WASHC4: variants seen among roughly 807,000 people sequenced by gnomAD.
WASHC4 encodes the protein WASH complex subunit 4.
Under a neutral mutation model 166.6 loss-of-function variants are expected in WASHC4, and 86 were observed. The ratio of observed to expected loss-of-function variants is 0.52; its 90% CI spans 0.43 to 0.62. The LOEUF is 0.62. WASHC4 is among the 20% of genes least tolerant of loss of function. The pLI, the probability that WASHC4 is intolerant of heterozygous loss-of-function variation, is 0.00. For synonymous variants in WASHC4, 446 were observed against 451.6 expected, an observed-to-expected ratio of 0.99 and a Z score of 0.16; for missense variants, 1,262 against 1,382.4, an observed-to-expected ratio of 0.91 and a Z score of 1.38.
At chr12:105,157,930 G>C (rs2440709) in intron 28 of WASHC4, among the ~76,000 whole-genome samples, 152,324 of 152,324 alleles carry the variant, frequency 1, 76,162 homozygotes, top group Non-Finnish European at 1. Flanking sequence ...TGCAGAATTG[G>C]TAAGAATATG....
chr12:105,111,663 A>G (rs1879688246), intron 2 of WASHC4, among the ~76,000 whole-genome samples: 1 of 152,248 alleles, frequency 6.6e-6, no homozygotes, highest in Admixed American at 6.5e-5. Context: ...CAATTAAGAT[A>G]GAGAATATTT....
chr12:105,161,379 G>T (rs1197969733), intron 29 of WASHC4, among the ~76,000 whole-genome samples: 1 of 152,102 alleles, frequency 6.6e-6, no homozygotes, highest in Non-Finnish European at 1.5e-5. Context: ...TTCATCTTAA[G>T]ATAGTGTCAA....
rs1309743901 is a variant in WASHC4 at position 105,126,280 on chromosome 12, G to A, written c.956G>A (p.Cys319Tyr). Reference sequence around the variant, plus strand: ...CAGAGAGACAAGTATGTTGGAATTTGTGGACTCTTTGTATTGCACTTTCAG... The same window carrying A: ...CAGAGAGACAAGTATGTTGGAATTTATGGACTCTTTGTATTGCACTTTCAG... ...IDQRDKYVGI[C>Y]GLFVLHFQIF... The change falls in exon 12 of 33, where the codon TGT becomes TAT. Residue 319 changes from cysteine to tyrosine, a missense_variant. Coordinates refer to ENST00000332180, the MANE Select transcript of WASHC4 (RefSeq NM_015275.3). 1 of 1,611,452 alleles carries A rather than the reference G, an allele frequency of 6.2e-7. No homozygotes were observed. The highest frequency in any genetic ancestry group is 8.5e-7 in the Non-Finnish European group (1 of 1,178,064).
Position 105,126,096 on chromosome 12 carries a change from G to A in WASHC4, c.879G>A (p.Arg293=). Residue 293 remains arginine (R), a synonymous_variant, in exon 11 of 33, where the codon CGG becomes CGA. Coordinates refer to ENST00000332180, the MANE Select transcript of WASHC4 (RefSeq NM_015275.3). ...CTGAGGAATTTGCACATAGTATTCG[G>A]TCAATTTTTGCAAATGTAGAAGCCA... ...TFAEEFAHSI[R]SIFANVEAKL... The A allele has an allele frequency of 6.2e-7, 1 of 1,612,968 alleles. No homozygotes were observed. The highest frequency in any genetic ancestry group is 1.1e-5 in the South Asian group (1 of 91,036).
intron 18 of WASHC4, among the ~76,000 whole-genome samples, chr12:105,142,186 G>T (rs1442275163): frequency 1.3e-5 from 2 of 151,978 alleles, no homozygotes; most frequent in African/African-American, 2.4e-5. Flanking sequence ...TCTGATATTT[G>T]AATATTATGC....
At chr12:105,144,007 C>CTCATGCCCTTTCCTCCCTTGCA (rs1883086416) in intron 20 of WASHC4, among the ~76,000 whole-genome samples, 1 of 151,692 alleles carries the variant, frequency 6.6e-6, no homozygotes, top group Admixed American at 6.6e-5. Flanking sequence ...TCTCTCTTGC[C>CTCATGCCCTTTCCTCCCTTGCA]TGTTCTCATG....
At position 105,164,694 on chromosome 12, in the gene WASHC4, A is replaced by AG; in HGVS notation, c.3409dup (p.Asp1137GlyfsTer6). The AG allele has an allele frequency of 1.2e-6, 2 of 1,613,720 alleles. No homozygotes were observed. Among genetic ancestry groups the AG allele is most frequent in the Non-Finnish European group, 1.7e-6 (2 of 1,179,770 alleles). On this transcript the variant is annotated frameshift_variant, in exon 32 of 33. Transcript: ENST00000332180. LOFTEE classifies it high-confidence loss of function. ...GCAGTGCAAGAATTTTCTTCAGAGC[A>AG]GACAAGACTGCGGCTGAAGAAAACC...
intron 2 of WASHC4, 149 bp from the exon 3 acceptor site, chr12:105,114,067 G>T: frequency 5.2e-5 from 32 of 618,180 alleles, no homozygotes; most frequent in Non-Finnish European, 5.7e-5. Flanking sequence ...TAATGAGATT[G>T]TTTTGGATGA....
rs1479708227 is a variant in WASHC4 at position 105,156,710 on chromosome 12, T to G, written c.2759-16T>G. The G allele has an allele frequency of 1.3e-6, 2 of 1,590,738 alleles. No homozygotes were observed. The highest frequency in any genetic ancestry group is 4.5e-5 in the East Asian group (2 of 44,572). ...TTATTTATATAAATATCTGATTTTT[T>G]TGTGTGGTTTTTAAGGTAATGCTAT... is the stretch of plus-strand genomic sequence containing the variant. On this transcript the variant is annotated splice_polypyrimidine_tract_variant and intron_variant, in intron 26 of 32. Transcript: ENST00000332180.
At chr12:105,125,676 C>G (rs1227313631) in intron 10 of WASHC4, among the ~76,000 whole-genome samples, 1 of 152,080 alleles carries the variant, frequency 6.6e-6, no homozygotes, top group Non-Finnish European at 1.5e-5. Context: ...ATAAATTCTA[C>G]TCTTAAAAGT....
chr12:105,156,920 A>G (rs948125241), intron 27 of WASHC4, 128 bp downstream of exon 27: 2 of 771,832 alleles, frequency 2.6e-6, no homozygotes, highest in Non-Finnish European at 4.5e-6. Context: ...AAAATATGGA[A>G]GAAAACTATT....
chr12:105,165,267 A>G (rs1272246584), intron 32 of WASHC4, among the ~76,000 whole-genome samples: 1 of 152,252 alleles, frequency 6.6e-6, no homozygotes. Context: ...AACTTCAGTC[A>G]TTAAGGAAAG....
intron 25 of WASHC4, among the ~76,000 whole-genome samples, chr12:105,150,480 TA>T (rs1487089671): frequency 6.6e-6 from 1 of 152,332 alleles, no homozygotes; most frequent in East Asian, 1.9e-4. Flanking sequence ...TTCCCACTGA[TA>T]ATTTATACGA....
chr12:105,148,579 A>G, intron 24 of WASHC4: 1 of 985,358 alleles, frequency 1.0e-6, no homozygotes. Flanking sequence ...GGAAAGGATT[A>G]AAAACAAAAG....
Position 105,146,465 on chromosome 12 carries a change from TA to T in WASHC4, c.2349del (p.Glu784LysfsTer3). 6.3e-7 allele frequency: 1 copy of T among 1,582,930 alleles called. No individual in the cohort carries two copies. ...SQTLEQGLDVLEIMRNIHIFV... is the reference protein window; with the variant it reads ...SQTLEQGLDVXEIMRNIHIFV... ...ATTATGTTGTAGGGCCTTGATGTTT[TA>T]GAAATTATGAGAAACATTCATATAT... On this transcript the variant is annotated frameshift_variant, in exon 23 of 33. Coordinates refer to ENST00000332180, the MANE Select transcript of WASHC4 (RefSeq NM_015275.3). LOFTEE classifies it high-confidence loss of function.
At chr12:105,121,652 C>T (rs2440690) in intron 9 of WASHC4, among the ~76,000 whole-genome samples, 3,599 of 152,202 alleles carry the variant, frequency 0.024, 66 homozygotes, top group Middle Eastern at 0.075. Flanking sequence ...GGACTACAGG[C>T]GTGTGCCACC....
Position 105,131,105 on chromosome 12 carries a change from A to T in WASHC4, c.1200-2665A>T, listed in dbSNP as rs192087874. Among the ~76,000 whole-genome samples the T allele has an allele frequency of 4.8e-3, 716 of 148,858 alleles. 9 individuals are homozygous for T. Among genetic ancestry groups the T allele is most frequent in the African/African-American group, 0.016 (659 of 40,490 alleles). On this transcript the variant is annotated intron_variant, in intron 13 of 32. Coordinates refer to ENST00000332180, the MANE Select transcript of WASHC4 (RefSeq NM_015275.3). Reference sequence around the variant, plus strand: ...TTATTTTTTTTTTTTTTTGAGACGGAGTCTCGCTCTGTCTCCCAGGTTGGA... The same window carrying T: ...TTATTTTTTTTTTTTTTTGAGACGGTGTCTCGCTCTGTCTCCCAGGTTGGA...
At chr12:105,156,400 A>G (rs1252300496) in intron 26 of WASHC4, 2 of 165,118 alleles carry the variant, frequency 1.2e-5, no homozygotes, top group East Asian at 1.8e-4. Flanking sequence ...TTGAATCTCA[A>G]TGTGAGAGGA....
Position 105,133,761 on chromosome 12 carries a change from CT to C in WASHC4, c.1200-6del. Reference sequence around the variant, plus strand: ...TTTGCTGAGTAACCCCAATATTTTCCTTTGTTAGAGATGTACAGTCTTACTA... The same window carrying C: ...TTTGCTGAGTAACCCCAATATTTTCCTTGTTAGAGATGTACAGTCTTACTA... On this transcript the variant is annotated splice_region_variant and splice_polypyrimidine_tract_variant and intron_variant, in intron 13 of 32. Transcript: ENST00000332180. 6.2e-7 allele frequency: 1 copy of C among 1,610,812 alleles called. No homozygotes were observed. The highest frequency in any genetic ancestry group is 8.5e-7 in the Non-Finnish European group (1 of 1,177,782).
Sources: gnomAD v4.1 joint callset for allele counts (sites outside exome capture counted in the v4.1 genomes callset) on GRCh38, gnomAD v4.1.1 for gene constraint, MANE v1.5 for transcripts, NCBI Gene and HGNC (gene_info 2026-07-23, HGNC 2026-07-21) for gene names.